MACROD2: variants seen among roughly 807,000 people sequenced by gnomAD.
MACROD2 encodes the protein ADP-ribose glycohydrolase MACROD2.
Under a neutral mutation model 70.4 loss-of-function variants are expected in MACROD2, and 36 were observed. That is an observed-to-expected ratio of 0.51 (90% CI 0.39 to 0.68). MACROD2 has a LOEUF of 0.68. Among genes scored for constraint, MACROD2 ranks in the 30% least tolerant of loss-of-function variants. MACROD2 has a pLI of 0.00. For missense variants in MACROD2, 496 were observed against 538.4 expected (o/e 0.92, Z 0.78); for synonymous variants, 172 against 178.8 (o/e 0.96, Z 0.30).
chr20:15,791,374 A>G (rs1319889992), intron 8 of MACROD2, among the ~76,000 whole-genome samples: 1 of 151,962 alleles, frequency 6.6e-6, no homozygotes, highest in Non-Finnish European at 1.5e-5. Context: ...AAGGTAGGCC[A>G]TGTCAATCTG....
intron 8 of MACROD2, among the ~76,000 whole-genome samples, chr20:15,788,155 C>T (rs1009960595): frequency 7.9e-5 from 12 of 152,110 alleles, no homozygotes; most frequent in East Asian, 3.9e-4. Context: ...CTGGAATCAT[C>T]GATTCCATTT....
At chr20:15,335,306 C>A (rs2078036338) in intron 6 of MACROD2, among the ~76,000 whole-genome samples, 1 of 151,714 alleles carries the variant, frequency 6.6e-6, no homozygotes, top group South Asian at 2.1e-4. Flanking sequence ...GTTGTTATTT[C>A]TCAATTCAAA....
intron 5 of MACROD2, among the ~76,000 whole-genome samples, chr20:14,702,835 C>G (rs1315873465): frequency 6.6e-6 from 1 of 150,988 alleles, no homozygotes; most frequent in African/African-American, 2.4e-5. Context: ...TCAAGCAATT[C>G]TCCTGCCTCA....
At chr20:15,368,003 C>T (rs1350869409) in intron 6 of MACROD2, among the ~76,000 whole-genome samples, 1 of 151,984 alleles carries the variant, frequency 6.6e-6, no homozygotes, top group African/African-American at 2.4e-5. Context: ...TTTTTTCAAC[C>T]TAAGGTTTTC....
chr20:14,956,348 A>G (rs189886755), intron 5 of MACROD2, among the ~76,000 whole-genome samples: 82 of 152,330 alleles, frequency 5.4e-4, no homozygotes, highest in African/African-American at 1.9e-3. Flanking sequence ...GATCAATATC[A>G]TTTGGATATG....
chr20:14,840,683 C>T (rs977189252), intron 5 of MACROD2, among the ~76,000 whole-genome samples: 1 of 152,058 alleles, frequency 6.6e-6, no homozygotes, highest in Non-Finnish European at 1.5e-5. Flanking sequence ...TTAAACTGGC[C>T]CTAAAAATAT....
intron 4 of MACROD2, among the ~76,000 whole-genome samples, chr20:14,683,122 G>A (rs922237327): frequency 1.3e-5 from 2 of 152,090 alleles, no homozygotes; most frequent in Non-Finnish European, 1.5e-5. Flanking sequence ...CAGGTGATCC[G>A]CCCGCCTCAG....
At chr20:14,503,704 G>A (rs1308451057) in intron 4 of MACROD2, among the ~76,000 whole-genome samples, 1 of 152,182 alleles carries the variant, frequency 6.6e-6, no homozygotes, top group East Asian at 1.9e-4. Flanking sequence ...GGGGCACAAA[G>A]CCCTCACTAG....
In MACROD2 at chr20:15,674,756, G is replaced by T. The variant is rs964798599; in HGVS notation, c.645+174909G>T. Among the ~76,000 whole-genome samples the T allele has an allele frequency of 1.6e-4, 23 of 141,368 alleles. No individual in the cohort carries two copies. The East Asian group carries it at 3.8e-3, about 23-fold the overall frequency. The allele number at this position is 141,368 out of a possible 152,430, so 92.7% of individuals were successfully genotyped here. ...GTGTGTGTCTATGTGTGTGTGTGTT[G>T]TGTGTGTGTGTGTGTGTGTGTGTTT... On this transcript the variant is annotated intron_variant, in intron 8 of 17. Transcript: ENST00000684519.
intron 3 of MACROD2, among the ~76,000 whole-genome samples, chr20:14,253,763 A>G (rs1281076456): frequency 3.3e-5 from 5 of 152,132 alleles, no homozygotes; most frequent in South Asian, 4.1e-4. Context: ...GGATGAGTAC[A>G]TCTTTGAACT....
chr20:15,368,816 C>T (rs1024370045), intron 6 of MACROD2, among the ~76,000 whole-genome samples: 2 of 152,080 alleles, frequency 1.3e-5, no homozygotes, highest in African/African-American at 2.4e-5. Flanking sequence ...TAGGCTCAAG[C>T]GGCAGTTGCT....
chr20:15,939,743 G>C (rs2065722747), intron 12 of MACROD2, among the ~76,000 whole-genome samples: 1 of 152,000 alleles, frequency 6.6e-6, no homozygotes, highest in Admixed American at 6.6e-5. Flanking sequence ...CTGTAATGAA[G>C]CTGGGCAAAA....
At chr20:15,220,032 C>G (rs1050401729) in intron 5 of MACROD2, among the ~76,000 whole-genome samples, 8 of 143,594 alleles carry the variant, frequency 5.6e-5, no homozygotes, top group Non-Finnish European at 9.1e-5. Flanking sequence ...GATAGAATCT[C>G]ATAGCTTTTG....
At chr20:14,276,645 A>G (rs958643179) in intron 3 of MACROD2, among the ~76,000 whole-genome samples, 47 of 152,078 alleles carry the variant, frequency 3.1e-4, no homozygotes, top group African/African-American at 1.1e-3. Flanking sequence ...AAATAAAATA[A>G]AATAAGACAC....
At chr20:15,912,107 G>A (rs537140652) in intron 10 of MACROD2, among the ~76,000 whole-genome samples, 2 of 152,360 alleles carry the variant, frequency 1.3e-5, no homozygotes, top group East Asian at 1.9e-4. Context: ...TCAAAGGAAT[G>A]CCAATAGTAC....
chr20:15,992,987 A>G (rs975430524), intron 15 of MACROD2, among the ~76,000 whole-genome samples: 1 of 152,204 alleles, frequency 6.6e-6, no homozygotes, highest in Non-Finnish European at 1.5e-5. Flanking sequence ...TTTTACATAT[A>G]TGATCCTGAA....
intron 5 of MACROD2, among the ~76,000 whole-genome samples, chr20:14,724,105 G>A (rs748476379): frequency 5.9e-5 from 9 of 151,982 alleles, no homozygotes; most frequent in Admixed American, 4.6e-4. Context: ...ATTCAATTTT[G>A]AGACATTCAA....
chr20:14,897,770 C>A (rs1166636497), intron 5 of MACROD2, among the ~76,000 whole-genome samples: 2 of 152,116 alleles, frequency 1.3e-5, no homozygotes, highest in East Asian at 3.9e-4. Flanking sequence ...ATTTATTTCC[C>A]ACCATTCTGG....
intron 13 of MACROD2, among the ~76,000 whole-genome samples, chr20:15,971,319 C>T (rs547073886): frequency 6.6e-6 from 1 of 152,144 alleles, no homozygotes; most frequent in South Asian, 2.1e-4. Flanking sequence ...GTGGGAGGGA[C>T]CCTGTAGGAG....
Sources: allele counts gnomAD v4.1 joint callset (sites outside exome capture counted in the v4.1 genomes callset), GRCh38; gene constraint gnomAD v4.1.1; transcripts MANE v1.5; gene names NCBI Gene and HGNC (gene_info 2026-07-23, HGNC 2026-07-21).